The following ICA1 variants were observed in gnomAD, a reference collection of about 807,000 sequenced individuals.
ICA1 encodes the protein islet cell autoantigen 1.
Under a neutral mutation model 71.0 loss-of-function variants are expected in ICA1, and 40 were observed. The ratio of observed to expected loss-of-function variants is 0.56; its 90% confidence interval spans 0.44 to 0.73. ICA1 has a LOEUF of 0.73. Ranked by LOEUF, ICA1 falls within the 30% of genes least tolerant of loss-of-function variation. The pLI, the probability that ICA1 is intolerant of heterozygous loss-of-function variation, is 0.00. For missense variants in ICA1, 578 were observed against 576.5 expected (o/e 1.00, Z -0.03); for synonymous variants, 207 against 209.5 (o/e 0.99, Z 0.10).
intron 6 of ICA1, among the ~76,000 whole-genome samples, chr7:8,198,410 T>A (rs548798303): frequency 7.9e-5 from 12 of 152,172 alleles, no homozygotes; most frequent in Non-Finnish European, 1.3e-4. Context: ...AAACCCTAGA[T>A]TTGGACCAGA....
intron 13 of ICA1, among the ~76,000 whole-genome samples, chr7:8,122,923 G>A (rs937611690): frequency 3.9e-5 from 6 of 152,182 alleles, no homozygotes; most frequent in Admixed American, 3.3e-4. Context: ...TAGTATCAGT[G>A]TCTACTTCTA....
chr7:8,191,425 TTTCA>T (rs1785599365), intron 6 of ICA1, among the ~76,000 whole-genome samples: 2 of 152,186 alleles, frequency 1.3e-5, no homozygotes, highest in African/African-American at 4.8e-5. Flanking sequence ...CCACTCTGTT[TTTCA>T]TTGTCAGTAC....
intron 1 of ICA1, among the ~76,000 whole-genome samples, chr7:8,254,629 G>C (rs1809406606): frequency 6.6e-6 from 1 of 151,188 alleles, no homozygotes; most frequent in African/African-American, 2.4e-5. Flanking sequence ...TTTTGATGGG[G>C]GTCAGGAAAG....
intron 1 of ICA1, among the ~76,000 whole-genome samples, chr7:8,243,266 A>G (rs1804672108): frequency 6.6e-6 from 1 of 152,180 alleles, no homozygotes; most frequent in Admixed American, 6.5e-5. Context: ...TTCAACATAC[A>G]CAAATCAATA....
chr7:8,154,020 C>A (rs1190142919), intron 8 of ICA1, among the ~76,000 whole-genome samples: 2 of 151,140 alleles, frequency 1.3e-5, no homozygotes, highest in African/African-American at 4.9e-5. Context: ...AATTTCAAAG[C>A]TAAACTATAA....
chr7:8,245,079 T>A (rs1805459582), intron 1 of ICA1, among the ~76,000 whole-genome samples: 1 of 152,212 alleles, frequency 6.6e-6, no homozygotes, highest in East Asian at 1.9e-4. Context: ...CAAAGGATTA[T>A]AAATCATGCT....
chr7:8,227,844 C>T (rs921827306), intron 4 of ICA1: 7 of 449,816 alleles, frequency 1.6e-5, no homozygotes, highest in Admixed American at 7.2e-5. Flanking sequence ...CCTTGGCCTC[C>T]TAAAATGCTG....
At chr7:8,243,426 A>T (rs1202010426) in intron 1 of ICA1, among the ~76,000 whole-genome samples, 1 of 152,228 alleles carries the variant, frequency 6.6e-6, no homozygotes, top group Non-Finnish European at 1.5e-5. Context: ...TCAAAATAAT[A>T]AGAGCTATTT....
At chr7:8,122,061 T>C (rs1787183764) in intron 13 of ICA1, among the ~76,000 whole-genome samples, 1 of 152,076 alleles carries the variant, frequency 6.6e-6, no homozygotes, top group Non-Finnish European at 1.5e-5. Context: ...GGAGCTGAGA[T>C]ACTGAAGGAT....
chr7:8,116,534 A>C (rs907207019), intron 13 of ICA1: 3 of 152,248 alleles, frequency 2.0e-5, no homozygotes, highest in Non-Finnish European at 2.9e-5. Flanking sequence ...GATTCTGAAA[A>C]GCAAATAAAC....
intron 6 of ICA1, among the ~76,000 whole-genome samples, chr7:8,208,193 G>C (rs1177388663): frequency 6.6e-6 from 1 of 152,072 alleles, no homozygotes; most frequent in East Asian, 1.9e-4. Flanking sequence ...TTACGTAAAA[G>C]TGGCAATCTA....
Position 8,195,701 on chromosome 7 carries a change from C to T in ICA1, c.579+22604G>A, listed in dbSNP as rs544249039. On this transcript the variant is annotated intron_variant, in intron 6 of 13. Coordinates refer to ENST00000402384, the MANE Select transcript of ICA1 (RefSeq NM_001136020.3). Reference sequence around the variant, plus strand: ...CCACCTGGAGTTAAAAACATCCGGCCGGGCACAGTGGCTCATGCTTGCAAT... The same window carrying T: ...CCACCTGGAGTTAAAAACATCCGGCTGGGCACAGTGGCTCATGCTTGCAAT... 1.2e-4 allele frequency among the ~76,000 whole-genome samples: 18 copies of T among 151,960 alleles called. No homozygotes were observed. In the South Asian group the frequency reaches 2.9e-3, roughly 25 times the overall value.
intron 6 of ICA1, among the ~76,000 whole-genome samples, chr7:8,172,070 T>C (rs981166268): frequency 1.3e-5 from 2 of 152,082 alleles, no homozygotes; most frequent in African/African-American, 4.8e-5. Flanking sequence ...AAAGAACATA[T>C]ACTGTGATGT....
chr7:8,143,813 G>A (rs375430529), intron 9 of ICA1, 62 bp downstream of exon 9: 34 of 1,089,832 alleles, frequency 3.1e-5, no homozygotes, highest in African/African-American at 2.3e-4. Context: ...TTCGGTCAGC[G>A]AGAACCACAT....
intron 6 of ICA1, among the ~76,000 whole-genome samples, chr7:8,195,872 G>A (rs1024484754): frequency 6.6e-6 from 1 of 152,088 alleles, no homozygotes. Flanking sequence ...CAGCTACTCG[G>A]GAGGCTGAGG....
chr7:8,129,558 T>C (rs754331451), intron 12 of ICA1, among the ~76,000 whole-genome samples: 25 of 152,192 alleles, frequency 1.6e-4, no homozygotes, highest in Non-Finnish European at 3.2e-4. Context: ...AACATCACTT[T>C]AGTCGGACAA....
chr7:8,205,072 G>C (rs1337481435), intron 6 of ICA1, among the ~76,000 whole-genome samples: 1 of 79,898 alleles, frequency 1.3e-5, no homozygotes, highest in African/African-American at 4.2e-5. Flanking sequence ...TAAAATGGAA[G>C]ACATGCAAAA....
At chr7:8,232,342 C>T (rs550858295) in intron 3 of ICA1, among the ~76,000 whole-genome samples, 13 of 152,298 alleles carry the variant, frequency 8.5e-5, no homozygotes, top group Admixed American at 2.6e-4. Flanking sequence ...TCCCAAGAAA[C>T]GCTTACTGAG....
At chr7:8,153,244 C>T (rs933248946) in intron 8 of ICA1, among the ~76,000 whole-genome samples, 1 of 152,202 alleles carries the variant, frequency 6.6e-6, no homozygotes, top group Non-Finnish European at 1.5e-5. Context: ...TCCAAAAACA[C>T]TGGGAAGAGA....
Sources: gnomAD v4.1 joint callset for allele counts (sites outside exome capture counted in the v4.1 genomes callset) on GRCh38, gnomAD v4.1.1 for gene constraint, MANE v1.5 for transcripts, NCBI Gene and HGNC (gene_info 2026-07-23, HGNC 2026-07-21) for gene names.